The following LEKR1 variants were observed in gnomAD, a reference collection of about 807,000 sequenced individuals.
LEKR1 encodes leucine, glutamate and lysine rich 1.
In LEKR1, 59 loss-of-function variants were observed where a neutral mutation model predicts 72.4. The observed-to-expected ratio is 0.82, with a 90% confidence interval of 0.66 to 1.01. LEKR1 has a LOEUF of 1.01. Among genes scored for constraint, LEKR1 ranks in the 50% least tolerant of loss-of-function variants. The probability of loss-of-function intolerance (pLI) is 0.00; values close to 1 mark genes in which losing one functional copy is unlikely to be tolerated. For missense variants in LEKR1, 728 were observed against 759.2 expected, an observed-to-expected ratio of 0.96 and a Z score of 0.48; for synonymous variants, 257 against 263.2, an observed-to-expected ratio of 0.98 and a Z score of 0.23.
At position 157,039,663 on chromosome 3, in the gene LEKR1, G is replaced by A. The variant is rs537205017; in HGVS notation, c.1669-5677G>A. 9.9e-5 allele frequency among the ~76,000 whole-genome samples: 15 copies of A among 152,174 alleles called. No homozygotes were observed. In the South Asian group the frequency reaches 1.0e-3, roughly 11 times the overall value. Reference sequence around the variant, plus strand: ...GCTTATTAACAAATCTAGCAAAGACGGATTCATGTAAACTCTAAGATTAAA... The same window carrying A: ...GCTTATTAACAAATCTAGCAAAGACAGATTCATGTAAACTCTAAGATTAAA... On this transcript the variant is annotated intron_variant, in intron 12 of 12. Transcript: ENST00000356539.
intron 4 of LEKR1, among the ~76,000 whole-genome samples, chr3:156,921,609 GGT>G (rs2108573047): frequency 6.6e-6 from 1 of 152,192 alleles, no homozygotes; most frequent in South Asian, 2.1e-4. Context: ...CTAGAAATCT[GGT>G]GTTGAACCAA....
intron 3 of LEKR1, among the ~76,000 whole-genome samples, chr3:156,902,898 AAAG>A (rs1171032618): frequency 6.6e-6 from 1 of 152,082 alleles, no homozygotes; most frequent in African/African-American, 2.4e-5. Context: ...GATTTTAAAA[AAAG>A]CACCATAATG....
At chr3:156,882,477 G>A (rs1292592440) in intron 3 of LEKR1, among the ~76,000 whole-genome samples, 1 of 152,130 alleles carries the variant, frequency 6.6e-6, no homozygotes, top group African/African-American at 2.4e-5. Flanking sequence ...AGTTAGAATG[G>A]CAATCATTAA....
rs1721641056 is a variant in LEKR1 at position 156,899,458 on chromosome 3, ATATATACAT to A, written c.264-21116_264-21108del. ...TATATACATATATACATATATACACATATATACATGTATATATACATACATACATATATA... is the reference window on the plus strand; with the variant it reads ...TATATACATATATACATATATACACAGTATATATACATACATACATATATA... On this transcript the variant is annotated intron_variant, in intron 3 of 12. Coordinates refer to ENST00000356539, the MANE Select transcript of LEKR1 (RefSeq NM_001004316.3). 3.9e-5 allele frequency among the ~76,000 whole-genome samples: 3 copies of A among 77,042 alleles called. 1 individual carries two copies. Among genetic ancestry groups the A allele is most frequent in the African/African-American group, 1.5e-4 (3 of 20,364 alleles). 50.5% of individuals were successfully genotyped at this position (77,042 alleles called of 152,430 possible).
chr3:156,899,251 T>C (rs950321879), intron 3 of LEKR1, among the ~76,000 whole-genome samples: 1 of 43,998 alleles, frequency 2.3e-5, no homozygotes, highest in African/African-American at 1.1e-4. Context: ...TACATATATA[T>C]ACATATATAT....
At chr3:156,850,788 C>T (rs1715259646) in intron 2 of LEKR1, among the ~76,000 whole-genome samples, 1 of 152,040 alleles carries the variant, frequency 6.6e-6, no homozygotes, top group East Asian at 1.9e-4. Context: ...GAGTCTTAGT[C>T]ACATTGCCAA....
intron 2 of LEKR1, among the ~76,000 whole-genome samples, chr3:156,845,425 A>G (rs1304775511): frequency 1.3e-5 from 2 of 151,446 alleles, no homozygotes; most frequent in African/African-American, 2.4e-5. Flanking sequence ...GATCCTGAAG[A>G]TTTTCTCCTA....
At chr3:156,993,504 G>A (rs981493687) in intron 9 of LEKR1, among the ~76,000 whole-genome samples, 4 of 150,622 alleles carry the variant, frequency 2.7e-5, no homozygotes, top group Admixed American at 6.6e-5. Context: ...GTGAAAGTAG[G>A]AATGAAGCCC....
At chr3:156,973,261 T>C (rs1363786891) in intron 6 of LEKR1, among the ~76,000 whole-genome samples, 1 of 152,126 alleles carries the variant, frequency 6.6e-6, no homozygotes, top group Non-Finnish European at 1.5e-5. Context: ...GAAACTTACA[T>C]TCTAGTAAGT....
chr3:156,842,952 C>CA (rs1383556432), intron 2 of LEKR1, among the ~76,000 whole-genome samples: 1 of 152,156 alleles, frequency 6.6e-6, no homozygotes, highest in Non-Finnish European at 1.5e-5. Context: ...ACATTTGGCT[C>CA]CTTTTTCTAC....
intron 6 of LEKR1, among the ~76,000 whole-genome samples, chr3:156,978,802 C>T (rs1463784304): frequency 1.3e-5 from 2 of 152,202 alleles, no homozygotes; most frequent in Non-Finnish European, 1.5e-5. Context: ...CCATGCTTCA[C>T]AGTTCCAGAC....
intron 5 of LEKR1, among the ~76,000 whole-genome samples, chr3:156,927,909 C>G (rs560569087): frequency 1.3e-5 from 2 of 151,936 alleles, no homozygotes; most frequent in South Asian, 4.1e-4. Flanking sequence ...CATATTAGGT[C>G]AGCCTTCTTA....
chr3:156,909,642 TGA>T (rs1227910519), intron 3 of LEKR1, among the ~76,000 whole-genome samples: 2 of 123,634 alleles, frequency 1.6e-5, no homozygotes, highest in African/African-American at 3.3e-5. Context: ...GGCGACAGAG[TGA>T]GAGTCTGTCT....
Position 156,899,824 on chromosome 3 carries a change from G to GTA in LEKR1, c.264-20743_264-20742dup, listed in dbSNP as rs760979760. ...TATATATACATATGTACGTATATAT[G>GTA]TATATATATGTACATATGTGTATAT... On this transcript the variant is annotated intron_variant, in intron 3 of 12. Coordinates refer to ENST00000356539, the MANE Select transcript of LEKR1 (RefSeq NM_001004316.3). 6.0e-5 allele frequency among the ~76,000 whole-genome samples: 9 copies of GTA among 149,684 alleles called. No individual in the cohort carries two copies. In the South Asian group the frequency reaches 8.4e-4, roughly 14 times the overall value.
chr3:156,969,181 T>C (rs1226961734), intron 6 of LEKR1, among the ~76,000 whole-genome samples: 3 of 151,558 alleles, frequency 2.0e-5, no homozygotes, highest in Admixed American at 1.3e-4. Context: ...GCAAGAAAGA[T>C]CTAAAATTGA....
chr3:156,981,801 C>A (rs1385776156), intron 7 of LEKR1, among the ~76,000 whole-genome samples: 1 of 152,168 alleles, frequency 6.6e-6, no homozygotes, highest in Non-Finnish European at 1.5e-5. Flanking sequence ...ACAGTTCATT[C>A]AAAAAATTTG....
At chr3:156,913,127 T>G (rs1270388274) in intron 3 of LEKR1, among the ~76,000 whole-genome samples, 1 of 152,236 alleles carries the variant, frequency 6.6e-6, no homozygotes, top group Non-Finnish European at 1.5e-5. Context: ...GTTTGCCGTC[T>G]TGGAAAATAA....
intron 6 of LEKR1, among the ~76,000 whole-genome samples, chr3:156,969,054 A>G (rs1282603080): frequency 6.6e-6 from 1 of 152,248 alleles, no homozygotes; most frequent in Non-Finnish European, 1.5e-5. Context: ...TGAAGGCAGA[A>G]ATAAAGATGT....
rs73873756 is a variant in LEKR1 at position 156,982,714 on chromosome 3, A to G, written c.827+3439A>G. Among the ~76,000 whole-genome samples, 1,082 of 152,298 alleles carry G rather than the reference A, an allele frequency of 7.1e-3. 20 individuals are homozygous for G. Among genetic ancestry groups the G allele is most frequent in the African/African-American group, 0.025 (1,038 of 41,560 alleles). On this transcript the variant is annotated intron_variant, in intron 7 of 12. Coordinates refer to ENST00000356539, the MANE Select transcript of LEKR1 (RefSeq NM_001004316.3). The stretch of plus-strand genomic sequence containing the variant: ...TTTATTTTTAAGTACTATAATATCT[A>G]GATTAATTAAGGGAACACCTCCCTG...
Sources: allele counts gnomAD v4.1 joint callset (sites outside exome capture counted in the v4.1 genomes callset), GRCh38; gene constraint gnomAD v4.1.1; transcripts MANE v1.5; gene names NCBI Gene and HGNC (gene_info 2026-07-23, HGNC 2026-07-21).